AFF3: variants seen among roughly 807,000 people sequenced by gnomAD.
The protein encoded by AFF3 is AF4/FMR2 family member 3.
In AFF3, 32 loss-of-function variants were observed where a neutral mutation model predicts 129.7. The ratio of observed to expected loss-of-function variants is 0.25; its 90% CI spans 0.19 to 0.33. AFF3 has a LOEUF of 0.33. AFF3 is among the 10% of genes least tolerant of loss of function. The pLI is 1.00. For synonymous variants in AFF3, 644 were observed against 635.4 expected, an observed-to-expected ratio of 1.01 and a Z score of -0.20; for missense variants, 1,373 against 1,592.0, an observed-to-expected ratio of 0.86 and a Z score of 2.34.
intron 11 of AFF3, among the ~76,000 whole-genome samples, chr2:99,673,281 T>C (rs2104469192): frequency 6.6e-6 from 1 of 152,132 alleles, no homozygotes; most frequent in African/African-American, 2.4e-5. Context: ...AAAGATGTTG[T>C]CCCCAAGATC....
At chr2:99,662,138 C>A (rs58947802) in intron 12 of AFF3, among the ~76,000 whole-genome samples, 8,977 of 136,560 alleles carry the variant, frequency 0.066, 863 homozygotes, top group African/African-American at 0.22. Context: ...GACTCTGTCT[C>A]AAAAAAAAAA....
At chr2:99,772,272 C>T (rs1019127320) in intron 8 of AFF3, among the ~76,000 whole-genome samples, 1 of 152,132 alleles carries the variant, frequency 6.6e-6, no homozygotes, top group African/African-American at 2.4e-5. Flanking sequence ...CTGACCAGGC[C>T]GTGTGCTTGG....
intron 7 of AFF3, among the ~76,000 whole-genome samples, chr2:99,954,066 T>C (rs1042863261): frequency 2.0e-5 from 3 of 152,234 alleles, no homozygotes; most frequent in Non-Finnish European, 2.9e-5. Flanking sequence ...CAGGGACTTT[T>C]TGTCTATGTG....
chr2:99,796,788 A>G (rs569628970), intron 8 of AFF3, among the ~76,000 whole-genome samples: 16 of 152,324 alleles, frequency 1.1e-4, no homozygotes, highest in African/African-American at 3.8e-4. Flanking sequence ...AGAAAAAAAT[A>G]CCAGGTGCTT....
Position 99,601,565 on chromosome 2 carries a change from C to A in AFF3, c.1241G>T (p.Ser414Ile). ...RTSVPSSKGS[S>I]SSSSSGSSSS... is the part of the protein sequence containing the mutation. ...GCTGCTGCCGCTGCTGCTGCTGCTG[C>A]TGCTGCCCTTGCTGGAAGGCACCGA... Residue 414 changes from serine to isoleucine, a missense_variant, in exon 14 of 25, where the codon AGC becomes ATC. Coordinates refer to ENST00000672756, the MANE Select transcript of AFF3 (RefSeq NM_001386135.1). 6.2e-7 allele frequency: 1 copy of A among 1,602,200 alleles called. No homozygotes were observed. The highest frequency in any genetic ancestry group is 8.5e-7 in the Non-Finnish European group (1 of 1,176,732).
chr2:100,056,071 A>T (rs1686760403), intron 4 of AFF3, among the ~76,000 whole-genome samples: 1 of 148,744 alleles, frequency 6.7e-6, no homozygotes, highest in East Asian at 2.0e-4. Flanking sequence ...TCTCACACAC[A>T]CACACACACA....
chr2:100,073,331 G>C (rs1688346490), intron 4 of AFF3, among the ~76,000 whole-genome samples: 1 of 152,218 alleles, frequency 6.6e-6, no homozygotes, highest in African/African-American at 2.4e-5. Flanking sequence ...AAAACATGAA[G>C]GTGTCGGGTG....
intron 8 of AFF3, among the ~76,000 whole-genome samples, chr2:99,776,061 T>A (rs1234371203): frequency 6.6e-6 from 1 of 151,730 alleles, no homozygotes; most frequent in East Asian, 1.9e-4. Flanking sequence ...GTAGGAGACA[T>A]GTGAAAATGC....
intron 4 of AFF3, among the ~76,000 whole-genome samples, chr2:100,031,746 G>C (rs903995374): frequency 1.3e-5 from 2 of 152,346 alleles, no homozygotes; most frequent in Middle Eastern, 3.4e-3. Context: ...AGAGTAATTT[G>C]AGCAACACAA....
intron 8 of AFF3, among the ~76,000 whole-genome samples, chr2:99,777,398 G>A (rs899251516): frequency 2.6e-5 from 4 of 152,132 alleles, no homozygotes; most frequent in Non-Finnish European, 4.4e-5. Flanking sequence ...AGTGGCTGGC[G>A]CAACTCTGAA....
chr2:99,897,356 T>TC (rs1694050118), intron 7 of AFF3, among the ~76,000 whole-genome samples: 1 of 151,996 alleles, frequency 6.6e-6, no homozygotes, highest in Admixed American at 6.6e-5. Context: ...TCCCATTCTC[T>TC]CCCCCTAAAA....
At chr2:99,949,270 C>A (rs1464193138) in intron 7 of AFF3, among the ~76,000 whole-genome samples, 2 of 152,144 alleles carry the variant, frequency 1.3e-5, no homozygotes, top group Admixed American at 1.3e-4. Flanking sequence ...ATTCATATAT[C>A]TAAACTGTTT....
intron 1 of AFF3, among the ~76,000 whole-genome samples, chr2:100,135,267 A>G (rs1382648316): frequency 3.9e-5 from 6 of 152,190 alleles, no homozygotes; most frequent in African/African-American, 2.4e-5. Flanking sequence ...GCAATGTGAC[A>G]TTGTCACGCC....
At chr2:99,989,584 C>T (rs540023965) in intron 7 of AFF3, among the ~76,000 whole-genome samples, 21 of 152,008 alleles carry the variant, frequency 1.4e-4, no homozygotes, top group Non-Finnish European at 2.8e-4. Flanking sequence ...ACCTGAAGGC[C>T]AGAGCAATTA....
chr2:99,690,472 C>T (rs1329528698), intron 11 of AFF3, among the ~76,000 whole-genome samples: 1 of 152,030 alleles, frequency 6.6e-6, no homozygotes, highest in African/African-American at 2.4e-5. Flanking sequence ...TGAGCCACCA[C>T]GCTCGGCCAA....
At chr2:99,911,324 G>T (rs935195263) in intron 7 of AFF3, among the ~76,000 whole-genome samples, 3 of 151,882 alleles carry the variant, frequency 2.0e-5, no homozygotes, top group Admixed American at 6.6e-5. Flanking sequence ...GAAGGTGGAG[G>T]TTGCAGTGGG....
chr2:99,866,557 A>G (rs1479034413), intron 7 of AFF3, among the ~76,000 whole-genome samples: 2 of 152,168 alleles, frequency 1.3e-5, no homozygotes, highest in African/African-American at 2.4e-5. Context: ...AGGGATTCCA[A>G]TCATTCTCCA....
At position 99,826,330 on chromosome 2, in the gene AFF3, T is replaced by C. The variant is rs77152481; in HGVS notation, c.921+11147A>G. Among the ~76,000 whole-genome samples the C allele has an allele frequency of 2.6e-3, 396 of 152,288 alleles. 3 individuals are homozygous for C. In the East Asian group the frequency reaches 0.053, roughly 20 times the overall value. ...CATCTGGCCATTTATTCACTTTTTA[T>C]TAAACATCAACTAAGTGCCGGTCAT... On this transcript the variant is annotated intron_variant, in intron 8 of 24. Transcript: ENST00000672756.
At chr2:99,813,471 C>T (rs530731016) in intron 8 of AFF3, among the ~76,000 whole-genome samples, 75 of 152,166 alleles carry the variant, frequency 4.9e-4, no homozygotes, top group Non-Finnish European at 7.8e-4. Flanking sequence ...TCAGGCTGAT[C>T]CTACTGAAGT....
Sources: allele counts gnomAD v4.1 joint callset (sites outside exome capture counted in the v4.1 genomes callset), GRCh38; gene constraint gnomAD v4.1.1; transcripts MANE v1.5; gene names NCBI Gene and HGNC (gene_info 2026-07-23, HGNC 2026-07-21).